Variants in DYSF observed in about 807,000 individuals in gnomAD.
DYSF encodes dystrophy-associated fer-1-like 1.
A neutral mutation model predicts 274.9 loss-of-function variants in DYSF; 212 were observed. That is an observed-to-expected ratio of 0.77 (90% CI 0.69 to 0.86). DYSF has a LOEUF of 0.86. DYSF is among the 40% of genes least tolerant of loss of function. DYSF has a pLI of 0.00. For missense variants in DYSF, 2,666 were observed against 2,783.2 expected (o/e 0.96, Z 0.95); for synonymous variants, 1,091 against 1,078.7 (o/e 1.01, Z -0.22).
intron 29 of DYSF, among the ~76,000 whole-genome samples, chr2:71,571,930 G>A (rs1457017021): frequency 1.6e-5 from 2 of 124,716 alleles, no homozygotes; most frequent in Non-Finnish European, 1.7e-5. Flanking sequence ...CACATGCACA[G>A]ATCACACACA....
At position 71,469,562 on chromosome 2, in the gene DYSF, T is replaced by C. The variant is rs1193138508; in HGVS notation, c.91+2629T>C. Among the ~76,000 whole-genome samples the C allele has an allele frequency of 3.9e-5, 6 of 152,198 alleles. No individual in the cohort carries two copies. The East Asian group carries it at 1.2e-3, about 29-fold the overall frequency. On this transcript the variant is annotated intron_variant, in intron 1 of 55. Coordinates refer to ENST00000410020, the MANE Select transcript of DYSF (RefSeq NM_001130987.2). ...TGGCTCCTACAGGCAGCCTGAAATG[T>C]ATGGGGCTGGGCTGGCCCCACTTTC...
intron 14 of DYSF, among the ~76,000 whole-genome samples, chr2:71,528,704 C>A (rs1198752433): frequency 6.6e-6 from 1 of 152,154 alleles, no homozygotes. Flanking sequence ...GGAGCAATAG[C>A]ATGGAAACCA....
At chr2:71,517,918 T>G (rs1374013008) in intron 10 of DYSF, among the ~76,000 whole-genome samples, 4 of 152,166 alleles carry the variant, frequency 2.6e-5, no homozygotes, top group Admixed American at 2.0e-4. Context: ...ATCAAGACCC[T>G]TATTTGTAAT....
intron 19 of DYSF, 78 bp downstream of exon 19, chr2:71,551,798 G>C (rs1024509154): frequency 2.5e-6 from 3 of 1,207,956 alleles, no homozygotes; most frequent in Non-Finnish European, 2.4e-6. Flanking sequence ...GCCTTGAGGT[G>C]TCATGGCCGA....
chr2:71,616,839 T>G (rs908256765), intron 40 of DYSF, among the ~76,000 whole-genome samples: 1 of 152,216 alleles, frequency 6.6e-6, no homozygotes, highest in Non-Finnish European at 1.5e-5. Context: ...TTTTTAGGTT[T>G]CTCTTTCTGT....
At chr2:71,516,901 T>G in intron 9 of DYSF, 88 bp from the exon 10 acceptor site, 1 of 1,188,848 alleles carries the variant, frequency 8.4e-7, no homozygotes, top group Non-Finnish European at 1.3e-6. Flanking sequence ...GTGTTGGCAG[T>G]TATTGTTTGG....
intron 9 of DYSF, 142 bp from the exon 10 acceptor site, chr2:71,516,847 C>T (rs750608103): frequency 4.3e-5 from 35 of 819,186 alleles, no homozygotes; most frequent in Non-Finnish European, 6.9e-5. Context: ...CCTGTGAGGG[C>T]TAAACACTGC....
chr2:71,641,466 T>G (rs897434233), intron 41 of DYSF, among the ~76,000 whole-genome samples: 1 of 152,154 alleles, frequency 6.6e-6, no homozygotes, highest in Non-Finnish European at 1.5e-5. Context: ...GTTTATCTAT[T>G]TTAATGGTCT....
At chr2:71,607,658 C>T (rs753354700) in intron 36 of DYSF, among the ~76,000 whole-genome samples, 12 of 151,872 alleles carry the variant, frequency 7.9e-5, no homozygotes, top group Admixed American at 1.3e-4. Flanking sequence ...GGTGGGCGGG[C>T]GTGAGAGATG....
At chr2:71,684,492 A>ATGAGGGAGAAGG in intron 55 of DYSF, among the ~76,000 whole-genome samples, 1 of 152,190 alleles carries the variant, frequency 6.6e-6, no homozygotes, top group Non-Finnish European at 1.5e-5. Flanking sequence ...GAGGGAGAAG[A>ATGAGGGAGAAGG]GGATGAGGCC....
intron 42 of DYSF, among the ~76,000 whole-genome samples, chr2:71,650,137 G>T (rs778289205): frequency 3.9e-5 from 6 of 152,146 alleles, no homozygotes; most frequent in Non-Finnish European, 8.8e-5. Context: ...TGGTTGGTAG[G>T]GGGAGATTTA....
chr2:71,684,271 G>A (rs374674698), intron 55 of DYSF, among the ~76,000 whole-genome samples: 8 of 152,248 alleles, frequency 5.3e-5, no homozygotes, highest in Non-Finnish European at 8.8e-5. Context: ...GTGTGCACGT[G>A]TGGTGTCCTG....
intron 45 of DYSF, among the ~76,000 whole-genome samples, chr2:71,662,335 A>G (rs956211585): frequency 2.0e-5 from 3 of 152,206 alleles, no homozygotes; most frequent in Admixed American, 6.5e-5. Flanking sequence ...GTCTCAGGCC[A>G]TAACCCACTG....
intron 41 of DYSF, among the ~76,000 whole-genome samples, chr2:71,627,083 G>A (rs2094219705): frequency 6.6e-6 from 1 of 150,448 alleles, no homozygotes; most frequent in Non-Finnish European, 1.5e-5. Context: ...TCTATTCAAA[G>A]AATTTTTAGT....
chr2:71,630,142 C>T (rs1347296572), intron 41 of DYSF, among the ~76,000 whole-genome samples: 1 of 152,162 alleles, frequency 6.6e-6, no homozygotes, highest in Admixed American at 6.5e-5. Flanking sequence ...CAGTTAGATT[C>T]TTTCCATAAA....
intron 17 of DYSF, among the ~76,000 whole-genome samples, chr2:71,543,431 G>GA (rs1346428658): frequency 6.6e-6 from 1 of 152,090 alleles, no homozygotes; most frequent in Admixed American, 6.5e-5. Flanking sequence ...CGGCCAGGCA[G>GA]AGACGCTCCT....
intron 52 of DYSF, among the ~76,000 whole-genome samples, chr2:71,678,368 C>G (rs981660492): frequency 6.6e-6 from 1 of 152,024 alleles, no homozygotes; most frequent in Non-Finnish European, 1.5e-5. Flanking sequence ...TAAAAAAACA[C>G]TACTGATATA....
chr2:71,662,707 TTGTATGTATGTGTG>T (rs544358940), intron 45 of DYSF, among the ~76,000 whole-genome samples: 66 of 150,168 alleles, frequency 4.4e-4, no homozygotes, highest in African/African-American at 1.3e-3. Flanking sequence ...TGTATGTGTG[TTGTATGTATGTGTG>T]TGTATGTGTA....
chr2:71,670,635 G>A (rs1347347849), intron 51 of DYSF, among the ~76,000 whole-genome samples: 5 of 152,170 alleles, frequency 3.3e-5, no homozygotes, highest in Non-Finnish European at 5.9e-5. Flanking sequence ...TGGGGACCTC[G>A]GTCTCTGTGT....
Sources: allele counts gnomAD v4.1 joint callset (sites outside exome capture counted in the v4.1 genomes callset), GRCh38; gene constraint gnomAD v4.1.1; transcripts MANE v1.5; gene names NCBI Gene and HGNC (gene_info 2026-07-23, HGNC 2026-07-21).